Variants in ZMIZ1 observed in about 807,000 individuals in gnomAD.
ZMIZ1 encodes zinc finger MIZ-type containing 1.
ZMIZ1 carries 17 observed loss-of-function variants against 113.9 expected under a neutral mutation model. That is an observed-to-expected ratio of 0.15 (90% CI 0.10 to 0.22). The LOEUF is 0.22. Among genes scored for constraint, ZMIZ1 ranks in the 10% least tolerant of loss-of-function variants. The pLI, the probability that ZMIZ1 is intolerant of heterozygous loss-of-function variation, is 1.00. For missense variants in ZMIZ1, 1,059 were observed against 1,477.8 expected (o/e 0.72, Z 4.65); for synonymous variants, 607 against 603.1 (o/e 1.01, Z -0.09).
chr10:79,145,315 A>G (rs1416801494), intron 3 of ZMIZ1, among the ~76,000 whole-genome samples: 2 of 152,020 alleles, frequency 1.3e-5, no homozygotes, highest in African/African-American at 4.8e-5. Flanking sequence ...CCTCCACAGT[A>G]GAGCCTTTCC....
At chr10:79,181,412 G>T (rs1426093926) in intron 4 of ZMIZ1, among the ~76,000 whole-genome samples, 2 of 152,192 alleles carry the variant, frequency 1.3e-5, no homozygotes, top group Non-Finnish European at 2.9e-5. Context: ...GCCAAGTGGC[G>T]GTGGATTCTG....
rs1852716949 is a variant in ZMIZ1, at chr10:79,281,162, C to T, written c.425+3837C>T. On this transcript the variant is annotated intron_variant, in intron 8 of 24. Coordinates refer to ENST00000334512, the MANE Select transcript of ZMIZ1 (RefSeq NM_020338.4). ...AATCTGGATCTCGGCCAGCCCTTTG[C>T]CAGCTGAGTTGAGCTAAGGCATGAG... Among the ~76,000 whole-genome samples the T allele has an allele frequency of 2.0e-5, 3 of 152,268 alleles. No homozygotes were observed. In the South Asian group the frequency reaches 6.2e-4, roughly 32 times the overall value.
At chr10:79,090,022 T>G (rs1842940394) in intron 1 of ZMIZ1, among the ~76,000 whole-genome samples, 1 of 152,252 alleles carries the variant, frequency 6.6e-6, no homozygotes, top group Non-Finnish European at 1.5e-5. Flanking sequence ...TTAAGGCTTC[T>G]GCAACCAGGG....
In ZMIZ1 at chr10:79,311,041, C is replaced by T. The variant is rs200608210; in HGVS notation, c.2953C>T (p.Pro985Ser). ...ACATCACAGTGGGGCTCCTCCTCCT[C>T]CTCCTTCCCAGCCTCCCCGGCAGCC... ...PLHHSGAPPP[P>S]PSQPPRQPPQ... Residue 985 changes from proline (P) to serine (S), a missense_variant, in exon 24 of 25, where the codon CCT (proline) becomes TCT (serine). By Grantham distance (74) the Pro-to-Ser change is moderately conservative. This residue lies in a region of ZMIZ1 where 225 missense variants were observed against 276.0 expected (regional missense o/e 0.82). Coordinates refer to ENST00000334512, the MANE Select transcript of ZMIZ1 (RefSeq NM_020338.4). The T allele has an allele frequency of 1.2e-6, 2 of 1,613,734 alleles. No individual in the cohort carries two copies. The highest frequency in any genetic ancestry group is 1.7e-6 in the Non-Finnish European group (2 of 1,180,024).
chr10:79,308,819 C>T (rs1316066376), intron 23 of ZMIZ1, among the ~76,000 whole-genome samples: 1 of 152,148 alleles, frequency 6.6e-6, no homozygotes, highest in Non-Finnish European at 1.5e-5. Flanking sequence ...ATCCTGCGCC[C>T]TCACAGTTCC....
chr10:79,167,465 A>C (rs777487638), intron 4 of ZMIZ1, among the ~76,000 whole-genome samples: 1 of 152,188 alleles, frequency 6.6e-6, no homozygotes, highest in Non-Finnish European at 1.5e-5. Context: ...CTGTCTCTGT[A>C]GGCAAGGCCA....
chr10:79,116,188 C>G (rs183111570), intron 1 of ZMIZ1, among the ~76,000 whole-genome samples: 1 of 152,050 alleles, frequency 6.6e-6, no homozygotes, highest in Non-Finnish European at 1.5e-5. Context: ...GAGAGAATTG[C>G]CCTGTTGGGT....
At position 79,169,214 on chromosome 10, in the gene ZMIZ1, TC is replaced by T. The variant is rs1485127789; in HGVS notation, c.-50+7082del. Among the ~76,000 whole-genome samples the T allele has an allele frequency of 2.0e-5, 3 of 152,196 alleles. No homozygotes were observed. The East Asian group carries it at 5.8e-4, about 29-fold the overall frequency. ...CCTTGCCAATAGCCCCTGCCAGTTT[TC>T]TCTGGTCCCTGGCCTCACCCAGACT... On this transcript the variant is annotated intron_variant, in intron 4 of 24. Transcript: ENST00000334512.
chr10:79,155,977 T>C (rs959926775), intron 3 of ZMIZ1, among the ~76,000 whole-genome samples: 1 of 152,250 alleles, frequency 6.6e-6, no homozygotes, highest in Admixed American at 6.5e-5. Flanking sequence ...ACCCATCTCC[T>C]GTGTCTTCCC....
chr10:79,128,745 T>G (rs992692736), intron 2 of ZMIZ1, among the ~76,000 whole-genome samples: 1 of 152,160 alleles, frequency 6.6e-6, no homozygotes, highest in African/African-American at 2.4e-5. Flanking sequence ...GCCTGTGTGT[T>G]TGTCCAGTTC....
intron 7 of ZMIZ1, among the ~76,000 whole-genome samples, chr10:79,262,839 CCACTGGGCAAT>C (rs1564562384): frequency 6.6e-6 from 1 of 152,350 alleles, no homozygotes; most frequent in East Asian, 1.9e-4. Context: ...CAGTGGGCAT[CCACTGGGCAAT>C]CTGCTGGGGA....
At chr10:79,109,232 G>T (rs955695494) in intron 1 of ZMIZ1, among the ~76,000 whole-genome samples, 7 of 152,178 alleles carry the variant, frequency 4.6e-5, no homozygotes, top group African/African-American at 7.2e-5. Flanking sequence ...TTGGTGAGGG[G>T]TGTACATGCC....
intron 8 of ZMIZ1, among the ~76,000 whole-genome samples, chr10:79,286,199 G>C (rs1331870321): frequency 6.6e-6 from 1 of 152,210 alleles, no homozygotes; most frequent in African/African-American, 2.4e-5. Flanking sequence ...GAGAAGAAGG[G>C]CTCTCAGGCA....
At chr10:79,106,316 A>G (rs1843556984) in intron 1 of ZMIZ1, among the ~76,000 whole-genome samples, 1 of 152,218 alleles carries the variant, frequency 6.6e-6, no homozygotes, top group African/African-American at 2.4e-5. Context: ...CAAGTGCTGT[A>G]GGTTTTGTCT....
rs867044808 is a variant in ZMIZ1, at chr10:79,212,459, A to G, written c.175-3710A>G. Among the ~76,000 whole-genome samples, 10 of 152,130 alleles carry G rather than the reference A, an allele frequency of 6.6e-5. No individual in the cohort carries two copies. The Middle Eastern group carries it at 0.014, about 207-fold the overall frequency. ...TACCTAGGTACCACTGGCCTACACC[A>G]TCACACCAGATTAAAAAATTTTTTG... On this transcript the variant is annotated intron_variant, in intron 6 of 24. Coordinates refer to ENST00000334512, the MANE Select transcript of ZMIZ1 (RefSeq NM_020338.4).
chr10:79,309,520 C>T (rs931118686), intron 23 of ZMIZ1, among the ~76,000 whole-genome samples: 5 of 152,292 alleles, frequency 3.3e-5, no homozygotes, highest in African/African-American at 4.8e-5. Context: ...AGCACCGTTG[C>T]GAGGTCGTCT....
rs974342614 is a variant in ZMIZ1 at position 79,118,640 on chromosome 10, G to A, written c.-336-275G>A. 2.0e-5 allele frequency among the ~76,000 whole-genome samples: 3 copies of A among 152,250 alleles called. No homozygotes were observed. The highest frequency in any genetic ancestry group is 4.4e-5 in the Non-Finnish European group (3 of 68,048). ...GAGGCCGGGCTGACTGGAGCCTAGT[G>A]GTGGGCAGGCAGGTTTGGCTGCTGC... is the stretch of plus-strand genomic sequence containing the variant. On this transcript the variant is annotated intron_variant, in intron 1 of 24. Transcript: ENST00000334512. This position sits in a 1 kb window ranked among gnomAD's most constrained non-coding sequence, Gnocchi z 4.1.
In ZMIZ1 at chr10:79,088,546, G is replaced by A. The variant is rs533881262; in HGVS notation, c.-337+19276G>A. Among the ~76,000 whole-genome samples, 3 of 152,340 alleles carry A rather than the reference G, an allele frequency of 2.0e-5. No individual in the cohort carries two copies. In the East Asian group the frequency reaches 5.8e-4, roughly 29 times the overall value. ...TTGTCGAGCCGGGAGTTGCCAGTGA[G>A]AGGGTGACAGAGAGGGACACATGGG... is the stretch of plus-strand genomic sequence containing the variant. On this transcript the variant is annotated intron_variant, in intron 1 of 24. Transcript: ENST00000334512.
At chr10:79,258,862 G>A (rs118148503) in intron 7 of ZMIZ1, among the ~76,000 whole-genome samples, 3 of 152,230 alleles carry the variant, frequency 2.0e-5, no homozygotes, top group Non-Finnish European at 4.4e-5. Context: ...ATGACTGACT[G>A]AACATGGTCT....
Sources: allele counts gnomAD v4.1 joint callset (sites outside exome capture counted in the v4.1 genomes callset), GRCh38; gene constraint gnomAD v4.1.1; regional missense constraint gnomAD v4.1.1; non-coding constraint Gnocchi (gnomAD v3.1); transcripts MANE v1.5; gene names NCBI Gene and HGNC (gene_info 2026-07-23, HGNC 2026-07-21).